Variants in ARID1A observed in about 807,000 individuals in gnomAD.
The protein encoded by ARID1A is AT-rich interactive domain-containing protein 1A.
ARID1A carries 20 observed loss-of-function variants against 212.6 expected under a neutral mutation model. That is an observed-to-expected ratio of 0.09 (90% CI 0.07 to 0.14). ARID1A has a LOEUF of 0.14. Among genes scored for constraint, ARID1A ranks in the 10% least tolerant of loss-of-function variants. The pLI, the probability that ARID1A is intolerant of heterozygous loss-of-function variation, is 1.00. For missense variants in ARID1A, 2,587 were observed against 3,059.0 expected (o/e 0.85, Z 3.64); for synonymous variants, 1,376 against 1,222.1 (o/e 1.13, Z -2.63).
intron 1 of ARID1A, among the ~76,000 whole-genome samples, chr1:26,708,795 C>T (rs987909896): frequency 1.3e-5 from 2 of 150,304 alleles, no homozygotes; most frequent in Non-Finnish European, 3.0e-5. Context: ...CCTGGGTTCA[C>T]GCCATTCTCC....
In ARID1A at chr1:26,779,862, T is replaced by C. The variant is rs2124144531; in HGVS notation, c.5964T>C (p.Ile1988=). 3 of 1,614,048 alleles carry C rather than the reference T, an allele frequency of 1.9e-6. No individual in the cohort carries two copies. The highest frequency in any genetic ancestry group is 2.5e-6 in the Non-Finnish European group (3 of 1,179,992). ...GCTGCGTCTGTGTGTCCAATACCAT[T>C]CGAAGCCTGTCATTTGTGCCAGGCA... is the stretch of plus-strand genomic sequence containing the variant. ...AKRCVCVSNT[I]RSLSFVPGND... is the part of the protein sequence containing the mutation. The change falls in exon 20 of 20, where the codon ATT becomes ATC. Residue 1988 remains isoleucine, a synonymous_variant. Coordinates refer to ENST00000324856, the MANE Select transcript of ARID1A (RefSeq NM_006015.6).
chr1:26,771,675 T>G lies in ARID1A; in HGVS notation c.3406+349T>G. 1 of 316,238 alleles carries G rather than the reference T, an allele frequency of 3.2e-6. No homozygotes were observed. Among genetic ancestry groups the G allele is most frequent in the Non-Finnish European group, 6.0e-6 (1 of 165,494 alleles). The allele number at this position is 316,238 out of a possible 1,614,324, so 19.6% of individuals were successfully genotyped here. ...CTTTGGCCTATTGATGTCAGCACCT[T>G]AGAATGCAGCTCAGACTAGAGCCCT... On this transcript the variant is annotated intron_variant, in intron 12 of 19. Transcript: ENST00000324856. This position sits in a 1 kb window ranked among gnomAD's most constrained non-coding sequence, Gnocchi z 5.4.
intron 1 of ARID1A, among the ~76,000 whole-genome samples, chr1:26,721,686 A>G (rs1297481023): frequency 6.6e-6 from 1 of 152,236 alleles, no homozygotes; most frequent in Non-Finnish European, 1.5e-5. Context: ...CTGTTATGGA[A>G]AATGTGGCTA....
At chr1:26,777,468 G>A (rs2081147339) in intron 19 of ARID1A, among the ~76,000 whole-genome samples, 1 of 150,622 alleles carries the variant, frequency 6.6e-6, no homozygotes, top group Non-Finnish European at 1.5e-5. Flanking sequence ...CTGGGCTCAA[G>A]TGATTGACCT....
At chr1:26,703,480 G>A (rs967862112) in intron 1 of ARID1A, among the ~76,000 whole-genome samples, 1 of 152,152 alleles carries the variant, frequency 6.6e-6, no homozygotes, top group African/African-American at 2.4e-5. Context: ...CCAGAGTCCT[G>A]GAAGTGCCCT....
rs778920555 is a variant in ARID1A, at chr1:26,766,329, A to G, written c.2841A>G (p.Pro947=). 71 of 1,614,222 alleles carry G rather than the reference A, an allele frequency of 4.4e-5. No individual in the cohort carries two copies. The highest frequency in any genetic ancestry group is 5.8e-5 in the Non-Finnish European group (69 of 1,180,044). ...GCATGATCAACCCTCAGGGACCCCC[A>G]TATTCCATGGGTGGAACCATGGCCA... ...MAGMINPQGP[P]YSMGGTMANN... Residue 947 remains proline (P), a synonymous_variant, in exon 9 of 20, where the codon CCA becomes CCG. Coordinates refer to ENST00000324856, the MANE Select transcript of ARID1A (RefSeq NM_006015.6).
intron 2 of ARID1A, among the ~76,000 whole-genome samples, chr1:26,730,766 G>C (rs1031048909): frequency 6.6e-6 from 1 of 152,152 alleles, no homozygotes; most frequent in Admixed American, 6.5e-5. Context: ...GTTTTCAGTT[G>C]GTTGAGCCAG....
At chr1:26,702,286 G>A (rs1167263508) in intron 1 of ARID1A, among the ~76,000 whole-genome samples, 1 of 152,338 alleles carries the variant, frequency 6.6e-6, no homozygotes, top group Admixed American at 6.5e-5. Context: ...TACATGGTGT[G>A]CTTTGCACGT....
Position 26,767,877 on chromosome 1 carries a change from C to T in ARID1A, c.3076C>T (p.Arg1026Cys), listed in dbSNP as rs367844043. The change falls in exon 11 of 20, where the codon CGT becomes TGT. Residue 1026 changes from arginine to cysteine, a missense_variant. Coordinates refer to ENST00000324856, the MANE Select transcript of ARID1A (RefSeq NM_006015.6). ...GEPERKMWVD[R>C]YLAFTEEKAM... Reference sequence around the variant, plus strand: ...GCCTGAGAGGAAGATGTGGGTGGACCGTTATCTGGCCTTCACTGAGGAGAA... The same window carrying T: ...GCCTGAGAGGAAGATGTGGGTGGACTGTTATCTGGCCTTCACTGAGGAGAA... 1 of 1,613,900 alleles carries T rather than the reference C, an allele frequency of 6.2e-7. No individual in the cohort carries two copies. Among genetic ancestry groups the T allele is most frequent in the Non-Finnish European group, 8.5e-7 (1 of 1,180,000 alleles).
In ARID1A at chr1:26,780,420, G is replaced by A; in HGVS notation, c.6522G>A (p.Leu2174=). Residue 2174 remains leucine, a synonymous_variant, in exon 20 of 20, where the codon CTG becomes CTA. Transcript: ENST00000324856. This position sits in a 1 kb window ranked among gnomAD's most constrained non-coding sequence, Gnocchi z 7.2. ...REMAVVLLAN[L]AQGDSLAARA... is the part of the protein sequence containing the mutation. ...TGGCTGTGGTACTGCTGGCCAACCTGGCTCAGGGGGACAGCCTGGCAGCTC... is the reference window on the plus strand; with the variant it reads ...TGGCTGTGGTACTGCTGGCCAACCTAGCTCAGGGGGACAGCCTGGCAGCTC... The A allele has an allele frequency of 6.2e-7, 1 of 1,614,234 alleles. No homozygotes were observed. The highest frequency in any genetic ancestry group is 1.3e-5 in the African/African-American group (1 of 75,056).
At chr1:26,735,116 A>ATTTT (rs35465692) in intron 4 of ARID1A, among the ~76,000 whole-genome samples, 1 of 131,608 alleles carries the variant, frequency 7.6e-6, no homozygotes, top group Admixed American at 7.6e-5. Context: ...AAAATCCAGA[A>ATTTT]TTTTTTTTTT....
At chr1:26,751,116 G>C (rs567555690) in intron 4 of ARID1A, among the ~76,000 whole-genome samples, 1 of 151,876 alleles carries the variant, frequency 6.6e-6, no homozygotes, top group Non-Finnish European at 1.5e-5. Flanking sequence ...TTAGCCGGGC[G>C]TGGTGGCGAG....
In ARID1A at chr1:26,775,948, G is replaced by A. The variant is rs570884784; in HGVS notation, c.5124+241G>A. ...TCAAAAGGAATTTGGGAGACACTTT[G>A]TGGTATTAGTAAGAATTCAGATTCA... On this transcript the variant is annotated intron_variant, in intron 19 of 19. Coordinates refer to ENST00000324856, the MANE Select transcript of ARID1A (RefSeq NM_006015.6). 17 of 646,018 alleles carry A rather than the reference G, an allele frequency of 2.6e-5. 1 individual carries two copies. The East Asian group carries it at 4.8e-4, about 18-fold the overall frequency. The allele number at this position is 646,018 out of a possible 1,614,324, so 40.0% of individuals were successfully genotyped here.
chr1:26,704,825 C>G (rs1197869875), intron 1 of ARID1A, among the ~76,000 whole-genome samples: 1 of 151,240 alleles, frequency 6.6e-6, no homozygotes. Context: ...CGCCAGTGCA[C>G]TCCAGCCTGG....
chr1:26,739,617 T>G (rs1030481180), intron 4 of ARID1A, among the ~76,000 whole-genome samples: 1 of 152,276 alleles, frequency 6.6e-6, no homozygotes, highest in East Asian at 1.9e-4. Context: ...GGGTTAAGAA[T>G]GGTAGAAAGA....
chr1:26,699,947 C>G (rs765183915), intron 1 of ARID1A, among the ~76,000 whole-genome samples: 2 of 151,584 alleles, frequency 1.3e-5, no homozygotes. Flanking sequence ...TAGATACAGT[C>G]CCTGTTTGGA....
Position 26,696,478 on chromosome 1 carries a change from G to A in ARID1A, c.75G>A (p.Lys25=), listed in dbSNP as rs942482061. 1.1e-4 allele frequency: 133 copies of A among 1,263,962 alleles called. No individual in the cohort carries two copies. Among genetic ancestry groups the A allele is most frequent in the Non-Finnish European group, 1.2e-4 (118 of 1,008,466 alleles). 78.3% of individuals were successfully genotyped at this position (1,263,962 alleles called of 1,614,324 possible). The stretch of plus-strand genomic sequence containing the variant: ...CGCCGCCGCCGCCCTCGGAGCTGAA[G>A]AAAGCCGAGCAGCAGCAGCGGGAGG... ...NPPPPPPSEL[K]KAEQQQREEA... is the part of the protein sequence containing the mutation. Residue 25 remains lysine (K), a synonymous_variant, in exon 1 of 20, where the codon AAG becomes AAA. Coordinates refer to ENST00000324856, the MANE Select transcript of ARID1A (RefSeq NM_006015.6).
Position 26,761,414 on chromosome 1 carries a change from G to A in ARID1A, c.2192G>A (p.Gly731Asp). The A allele has an allele frequency of 6.2e-7, 1 of 1,614,162 alleles. No homozygotes were observed. Among genetic ancestry groups the A allele is most frequent in the Non-Finnish European group, 8.5e-7 (1 of 1,180,022 alleles). The change falls in exon 6 of 20, where the codon GGC (glycine) becomes GAC (aspartate). Residue 731 changes from glycine to aspartate, a missense_variant. Physicochemically the swap from Gly to Asp is moderately conservative, Grantham distance 94 (BLOSUM62 -1). Around this residue, in one of 11 missense-constraint regions of ARID1A, gnomAD observed 674 missense variants for 813.4 expected, o/e 0.83. Coordinates refer to ENST00000324856, the MANE Select transcript of ARID1A (RefSeq NM_006015.6). ...GNQMPPRPPS[G>D]QSDSIMHPSM... ...CAGATGCCACCTCGGCCACCCAGTG[G>A]CCAGTCGGACAGCATCATGCATCCT...
chr1:26,727,053 G>T (rs561393377), intron 1 of ARID1A, among the ~76,000 whole-genome samples: 1 of 152,322 alleles, frequency 6.6e-6, no homozygotes, highest in African/African-American at 2.4e-5. Context: ...TGGAAAACTG[G>T]TTCACATTGT....
Sources: gnomAD v4.1 joint callset for allele counts (sites outside exome capture counted in the v4.1 genomes callset) on GRCh38, gnomAD v4.1.1 for gene constraint, gnomAD v4.1.1 regional missense constraint, Gnocchi (gnomAD v3.1) non-coding constraint, MANE v1.5 for transcripts, NCBI Gene and HGNC (gene_info 2026-07-23, HGNC 2026-07-21) for gene names.